The following NPY1R variants were observed in gnomAD, a reference collection of about 807,000 sequenced individuals.
The protein encoded by NPY1R is neuropeptide Y receptor type 1.
In NPY1R, 10 loss-of-function variants were observed where a neutral mutation model predicts 24.1. That is an observed-to-expected ratio of 0.42 (90% CI 0.26 to 0.71). The LOEUF (loss-of-function observed/expected upper bound fraction) is 0.71, where lower values mean the gene tolerates loss of function less well. Among genes scored for constraint, NPY1R ranks in the 30% least tolerant of loss-of-function variants. NPY1R has a pLI of 0.28. For missense variants in NPY1R, 350 were observed against 458.0 expected (o/e 0.76, Z 2.15); for synonymous variants, 168 against 165.9 (o/e 1.01, Z -0.10).
chr4:163,329,363 G>C (rs1183613009), intron 1 of NPY1R, among the ~76,000 whole-genome samples: 1 of 152,110 alleles, frequency 6.6e-6, no homozygotes, highest in East Asian at 1.9e-4. Context: ...CCAGCATTTC[G>C]GGAGGCCGAG....
rs772794019 is a variant in NPY1R, at chr4:163,325,347, C to T, written c.1111G>A (p.Ala371Thr). The T allele has an allele frequency of 6.8e-6, 11 of 1,611,990 alleles. No individual in the cohort carries two copies. The highest frequency in any genetic ancestry group is 4.5e-5 in the East Asian group (2 of 44,868). ...KTSLKQASPV[A>T]FKKINNNDDN... The stretch of plus-strand genomic sequence containing the variant: ...TCATTGTTGTTGATTTTTTTAAATG[C>T]GACTGGGCTTGCTTGCTTCAAAGAA... Residue 371 changes from alanine (A) to threonine (T), a missense_variant, in exon 3 of 3, where the codon GCA becomes ACA. Ala to Thr is a moderately conservative substitution (Grantham distance 58). Transcript: ENST00000296533.
intron 1 of NPY1R, among the ~76,000 whole-genome samples, chr4:163,330,115 T>A (rs536087795): frequency 6.6e-6 from 1 of 152,322 alleles, no homozygotes; most frequent in East Asian, 1.9e-4. Context: ...GACCAAGATG[T>A]ATACCATGGA....
chr4:163,326,648 T>C lies in NPY1R; in HGVS notation c.-94A>G. ...CTGTTCAGCTTATTCTTATTCCCCA[T>C]ATTGGAATCCATTTACCAAAATTAT... On this transcript the variant is annotated 5_prime_UTR_variant, in exon 2 of 3. In the 5' UTR this introduces an upstream ATG that the reference lacks. Coordinates refer to ENST00000296533, the MANE Select transcript of NPY1R (RefSeq NM_000909.6). 2.7e-6 allele frequency: 2 copies of C among 747,992 alleles called. No homozygotes were observed. Among genetic ancestry groups the C allele is most frequent in the Non-Finnish European group, 4.4e-6 (2 of 458,618 alleles). The allele number at this position is 747,992 out of a possible 1,614,324, so 46.3% of individuals were successfully genotyped here.
In NPY1R at chr4:163,326,569, T is replaced by C; in HGVS notation, c.-15A>G. On this transcript the variant is annotated 5_prime_UTR_variant, in exon 2 of 3. Coordinates refer to ENST00000296533, the MANE Select transcript of NPY1R (RefSeq NM_000909.6). ...GTTGAATTCATTTTGATTGGTTTGG[T>C]TGTTATAGATTATTTTAGACAAATG... 3 of 1,506,096 alleles carry C rather than the reference T, an allele frequency of 2.0e-6. No individual in the cohort carries two copies. The highest frequency in any genetic ancestry group is 2.7e-6 in the Non-Finnish European group (3 of 1,099,576). The allele number at this position is 1,506,096 out of a possible 1,614,324, so 93.3% of individuals were successfully genotyped here.
rs926086441 is a variant in NPY1R at position 163,326,272 on chromosome 4, G to A, written c.283C>T (p.Pro95Ser). The change falls in exon 2 of 3, where the codon CCC becomes TCC. Residue 95 changes from proline (P) to serine (S), a missense_variant. Physicochemically the swap from Pro to Ser is moderately conservative, Grantham distance 74 (BLOSUM62 -1). Coordinates refer to ENST00000296533, the MANE Select transcript of NPY1R (RefSeq NM_000909.6). ...SDLLVAIMCL[P>S]FTFVYTLMDH... ...ATTAATGTGTAGACAAATGTAAAGGGGAGACACATGATGGCAACAAGCAAG... is the reference window on the plus strand; with the variant it reads ...ATTAATGTGTAGACAAATGTAAAGGAGAGACACATGATGGCAACAAGCAAG... 6.2e-7 allele frequency: 1 copy of A among 1,613,998 alleles called. No individual in the cohort carries two copies. Among genetic ancestry groups the A allele is most frequent in the Non-Finnish European group, 8.5e-7 (1 of 1,179,988 alleles).
At chr4:163,333,469 T>TACAC (rs879626316), upstream of NPY1R, among the ~76,000 whole-genome samples, 3 of 150,342 alleles carry the variant, frequency 2.0e-5, no homozygotes, top group African/African-American at 4.9e-5. Flanking sequence ...AACACACACA[T>TACAC]ACACACACAC....
Position 163,325,738 on chromosome 4 carries a change from C to G in NPY1R, c.720G>C (p.Arg240Ser). The part of the protein sequence containing the change: ...CYFKIYIRLK[R>S]RNNMMDKMRD... ...TCATCTTGTCCATCATGTTGTTTCT[C>G]CTTTTTAGGCGTATATATATCTATG... Residue 240 changes from arginine (R) to serine (S), a missense_variant, in exon 3 of 3, where the codon AGG becomes AGC. Arg to Ser is a moderately radical substitution (Grantham distance 110). Transcript: ENST00000296533. The G allele has an allele frequency of 6.3e-7, 1 of 1,596,796 alleles. No individual in the cohort carries two copies.
chr4:163,333,212 C>T (rs1734773434), upstream of NPY1R, among the ~76,000 whole-genome samples: 1 of 151,436 alleles, frequency 6.6e-6, no homozygotes, highest in African/African-American at 2.4e-5. Flanking sequence ...CGCTTAGCTG[C>T]TTTTTAGTTT....
At chr4:163,340,201 T>G (rs1041178904) in intron 1 of NPY1R, among the ~76,000 whole-genome samples, 6 of 152,010 alleles carry the variant, frequency 3.9e-5, no homozygotes, top group Non-Finnish European at 8.8e-5. Context: ...ATACTTATCT[T>G]TTCTCAGAGG....
intron 1 of NPY1R, among the ~76,000 whole-genome samples, chr4:163,338,173 G>A (rs1379002935): frequency 2.5e-5 from 1 of 39,294 alleles, no homozygotes; most frequent in East Asian, 0.014. Flanking sequence ...ATGGGTGAGA[G>A]ATGGCCCATG....
chr4:163,334,757 G>A (rs1362425553), upstream of NPY1R, among the ~76,000 whole-genome samples: 1 of 151,768 alleles, frequency 6.6e-6, no homozygotes, highest in Non-Finnish European at 1.5e-5. Flanking sequence ...CTACTCAGGA[G>A]GCTGAGGCAG....
intron 1 of NPY1R, among the ~76,000 whole-genome samples, chr4:163,342,402 C>T (rs963953887): frequency 3.3e-5 from 5 of 152,070 alleles, no homozygotes; most frequent in African/African-American, 1.2e-4. Context: ...CTGCATTAAC[C>T]GCAGAGACAG....
Position 163,325,040 on chromosome 4 carries a change from T to C in NPY1R, c.*263A>G, listed in dbSNP as rs1250665814. ...CCAATAAGTACAGTATAAAAGTCTT[T>C]ATATTATATGCATAAATTCACAAAA... is the stretch of plus-strand genomic sequence containing the variant. On this transcript the variant is annotated 3_prime_UTR_variant, in exon 3 of 3. Coordinates refer to ENST00000296533, the MANE Select transcript of NPY1R (RefSeq NM_000909.6). 2 of 408,038 alleles carry C rather than the reference T, an allele frequency of 4.9e-6. No individual in the cohort carries two copies. The highest frequency in any genetic ancestry group is 8.8e-6 in the Non-Finnish European group (2 of 228,148). The allele number at this position is 408,038 out of a possible 1,614,324, so 25.3% of individuals were successfully genotyped here. A position where few individuals can be genotyped will look rare whatever the true frequency, so the allele number is the denominator to read the frequency against.
intron 1 of NPY1R, among the ~76,000 whole-genome samples, chr4:163,340,519 A>C (rs183913407): frequency 3.9e-5 from 6 of 152,224 alleles, no homozygotes; most frequent in Non-Finnish European, 5.9e-5. Flanking sequence ...GAAAATAAAC[A>C]ATGCCTATGG....
upstream of NPY1R, among the ~76,000 whole-genome samples, chr4:163,337,925 C>T (rs755377660): frequency 1.6e-4 from 24 of 152,108 alleles, no homozygotes; most frequent in Non-Finnish European, 3.1e-4. Flanking sequence ...CTGTTTCTGC[C>T]CAGGACACTA....
chr4:163,343,765 C>T (rs186425227), intron 1 of NPY1R, among the ~76,000 whole-genome samples: 1 of 152,234 alleles, frequency 6.6e-6, no homozygotes, highest in Admixed American at 6.5e-5. Context: ...TCTGGGACGC[C>T]CCCGGCCCCC....
chr4:163,337,351 C>G (rs900023178), upstream of NPY1R, among the ~76,000 whole-genome samples: 5 of 152,238 alleles, frequency 3.3e-5, no homozygotes, highest in Non-Finnish European at 5.9e-5. Context: ...TTACCAATCT[C>G]TCTCCTTTTA....
chr4:163,340,837 A>G (rs777986272), intron 1 of NPY1R, among the ~76,000 whole-genome samples: 4 of 152,100 alleles, frequency 2.6e-5, no homozygotes, highest in African/African-American at 7.2e-5. Flanking sequence ...GTGTGTATGT[A>G]TTTTTAACAT....
At chr4:163,334,804 G>A (rs1181858092), upstream of NPY1R, among the ~76,000 whole-genome samples, 1 of 149,176 alleles carries the variant, frequency 6.7e-6, no homozygotes, top group African/African-American at 2.5e-5. Flanking sequence ...AGGTTGCAGT[G>A]AGCCGAGATC....
Sources: gnomAD v4.1 joint callset for allele counts (sites outside exome capture counted in the v4.1 genomes callset) on GRCh38, gnomAD v4.1.1 for gene constraint, MANE v1.5 for transcripts, NCBI Gene and HGNC (gene_info 2026-07-23, HGNC 2026-07-21) for gene names.